ROBO2: variants seen among roughly 807,000 people sequenced by gnomAD.
ROBO2 encodes the protein roundabout homolog 2.
A neutral mutation model predicts 160.8 loss-of-function variants in ROBO2; 53 were observed. That is an observed-to-expected ratio of 0.33 (90% CI 0.26 to 0.41). The LOEUF is 0.41. Ranked by LOEUF, ROBO2 falls within the 10% of genes least tolerant of loss-of-function variation. The pLI is 1.00. For missense variants in ROBO2, 1,577 were observed against 1,722.4 expected (o/e 0.92, Z 1.49); for synonymous variants, 664 against 611.7 (o/e 1.09, Z -1.26).
intron 2 of ROBO2, among the ~76,000 whole-genome samples, chr3:77,101,337 G>A (rs1408583600): frequency 6.6e-6 from 1 of 152,164 alleles, no homozygotes; most frequent in Non-Finnish European, 1.5e-5. Context: ...TGGGTATATA[G>A]TGCTACCATC....
At chr3:76,408,132 T>A (rs1415627687) in intron 2 of ROBO2, among the ~76,000 whole-genome samples, 2 of 152,032 alleles carry the variant, frequency 1.3e-5, no homozygotes, top group African/African-American at 4.8e-5. Context: ...AATAGTATAA[T>A]ATGCCTACCA....
At chr3:76,243,024 G>T (rs939280960) in intron 2 of ROBO2, among the ~76,000 whole-genome samples, 2 of 152,136 alleles carry the variant, frequency 1.3e-5, no homozygotes, top group African/African-American at 4.8e-5. Flanking sequence ...GGCCTTTACT[G>T]GCTCTTTAAA....
intron 2 of ROBO2, among the ~76,000 whole-genome samples, chr3:77,151,462 GTC>G (rs1313942577): frequency 1.3e-5 from 2 of 152,040 alleles, no homozygotes; most frequent in South Asian, 2.1e-4. Context: ...GCCTTTTCTT[GTC>G]TCTCTTTTCT....
chr3:77,157,926 G>A (rs2078155262), intron 2 of ROBO2, among the ~76,000 whole-genome samples: 1 of 152,008 alleles, frequency 6.6e-6, no homozygotes, highest in African/African-American at 2.4e-5. Flanking sequence ...ATACGGCCCT[G>A]ATTGTCCCTT....
Position 76,939,469 on chromosome 3 carries a change from G to C in ROBO2, c.110-158545G>C, listed in dbSNP as rs904837343. Among the ~76,000 whole-genome samples the C allele has an allele frequency of 1.2e-4, 18 of 152,100 alleles. No individual in the cohort carries two copies. The East Asian group carries it at 3.5e-3, about 29-fold the overall frequency. ...TTCTTTTTCCTTCCAAAATTTAAAG[G>C]CTTGTGAACAAAAAGCAGAGGTTTA... On this transcript the variant is annotated intron_variant, in intron 2 of 26. Coordinates refer to the ROBO2 transcript ENST00000487694.
chr3:77,571,965 C>G (rs1583023319), intron 13 of ROBO2, among the ~76,000 whole-genome samples: 1 of 151,514 alleles, frequency 6.6e-6, no homozygotes, highest in South Asian at 2.1e-4. Context: ...TATTAAGCCC[C>G]ATACGATATA....
At chr3:77,410,247 AC>A (rs1186376965) in intron 2 of ROBO2, among the ~76,000 whole-genome samples, 1 of 152,168 alleles carries the variant, frequency 6.6e-6, no homozygotes, top group African/African-American at 2.4e-5. Flanking sequence ...ATGTATCAAA[AC>A]TTTTTAGTTC....
chr3:76,469,120 G>A (rs1311105921), intron 2 of ROBO2, among the ~76,000 whole-genome samples: 3 of 151,630 alleles, frequency 2.0e-5, no homozygotes, highest in Non-Finnish European at 2.9e-5. Context: ...CTTATTCCCC[G>A]ACCCCACAGT....
At chr3:77,382,321 G>A (rs887231750) in intron 2 of ROBO2, among the ~76,000 whole-genome samples, 23 of 148,574 alleles carry the variant, frequency 1.5e-4, no homozygotes, top group African/African-American at 4.7e-4. Context: ...AAATTACATC[G>A]TTGAAATAGT....
intron 2 of ROBO2, among the ~76,000 whole-genome samples, chr3:76,227,391 G>C (rs10511040): frequency 0.11 from 17,149 of 152,080 alleles, 1,386 homozygotes; most frequent in East Asian, 0.26. Flanking sequence ...GGATAAAAAT[G>C]ATTGTCTCTT....
At chr3:77,570,867 A>T (rs1459193386) in intron 13 of ROBO2, among the ~76,000 whole-genome samples, 1 of 152,120 alleles carries the variant, frequency 6.6e-6, no homozygotes, top group Non-Finnish European at 1.5e-5. Flanking sequence ...TGGCAGGATT[A>T]ATGACCAAAG....
intron 2 of ROBO2, among the ~76,000 whole-genome samples, chr3:76,679,464 C>T (rs747265657): frequency 2.6e-5 from 4 of 152,136 alleles, no homozygotes; most frequent in East Asian, 1.9e-4. Context: ...TGTAAGTTTA[C>T]GTATGTTTCT....
At chr3:77,006,866 A>G (rs1420182362) in intron 2 of ROBO2, among the ~76,000 whole-genome samples, 3 of 152,148 alleles carry the variant, frequency 2.0e-5, no homozygotes, top group Non-Finnish European at 2.9e-5. Flanking sequence ...ATTAGGAAGT[A>G]TAAGGTATTT....
chr3:77,010,530 C>G (rs1467848402), intron 2 of ROBO2, among the ~76,000 whole-genome samples: 2 of 152,138 alleles, frequency 1.3e-5, no homozygotes, highest in Non-Finnish European at 2.9e-5. Flanking sequence ...CAGAGCTGAT[C>G]AGACGCTCCC....
intron 1 of ROBO2, among the ~76,000 whole-genome samples, chr3:77,058,311 T>C (rs2065960123): frequency 6.6e-6 from 1 of 152,296 alleles, no homozygotes; most frequent in Admixed American, 6.5e-5. Flanking sequence ...CCTGGAAAGT[T>C]CCAGCTAAAT....
chr3:75,929,750 A>C (rs56323527), intron 1 of ROBO2, among the ~76,000 whole-genome samples: 7,003 of 151,816 alleles, frequency 0.046, 560 homozygotes, highest in African/African-American at 0.16. Flanking sequence ...GCTGGAGTAT[A>C]ATGGTGTGAT....
chr3:76,844,621 G>T (rs1041226935), intron 2 of ROBO2, among the ~76,000 whole-genome samples: 21 of 151,836 alleles, frequency 1.4e-4, no homozygotes, highest in Admixed American at 5.3e-4. Flanking sequence ...TAAATGTTGT[G>T]TTCAAAATCC....
chr3:77,201,942 G>A (rs1251865139), intron 2 of ROBO2, among the ~76,000 whole-genome samples: 1 of 151,628 alleles, frequency 6.6e-6, no homozygotes, highest in East Asian at 1.9e-4. Flanking sequence ...TGGCCTAATG[G>A]GTTTTACTAA....
At chr3:76,526,431 T>C (rs2081950295) in intron 2 of ROBO2, among the ~76,000 whole-genome samples, 1 of 152,064 alleles carries the variant, frequency 6.6e-6, no homozygotes, top group Non-Finnish European at 1.5e-5. Flanking sequence ...GTCATATAGA[T>C]ATTAGACAGG....
Sources: gnomAD v4.1 joint callset for allele counts (sites outside exome capture counted in the v4.1 genomes callset) on GRCh38, gnomAD v4.1.1 for gene constraint, MANE v1.5 for transcripts, NCBI Gene and HGNC (gene_info 2026-07-23, HGNC 2026-07-21) for gene names.